The following ZCCHC17 variants were observed in gnomAD, a reference collection of about 807,000 sequenced individuals.
The protein encoded by ZCCHC17 is zinc finger CCHC-type containing 17, also known as zinc finger CCHC domain-containing protein 17.
In ZCCHC17, 18 loss-of-function variants were observed where a neutral mutation model predicts 30.6. The observed-to-expected ratio is 0.59, with a 90% CI of 0.41 to 0.87. ZCCHC17 has a LOEUF of 0.87. ZCCHC17 is among the 40% of genes least tolerant of loss of function. The pLI is 0.00. For missense variants in ZCCHC17, 263 were observed against 284.2 expected (o/e 0.93, Z 0.54); for synonymous variants, 88 against 92.4 (o/e 0.95, Z 0.27).
In ZCCHC17 at chr1:31,310,087, A is replaced by G. The variant is rs777514218; in HGVS notation, c.-12A>G. On this transcript the variant is annotated 5_prime_UTR_variant, in exon 2 of 8. The change creates a new upstream start codon in the 5' untranslated region. Transcript: ENST00000344147. ...AATAGAAGAGAAATGGAGGAGCCATAGAATATTAAGGATGAATTCAGGAAG... is the reference window on the plus strand; with the variant it reads ...AATAGAAGAGAAATGGAGGAGCCATGGAATATTAAGGATGAATTCAGGAAG... 11 of 1,613,662 alleles carry G rather than the reference A, an allele frequency of 6.8e-6. No homozygotes were observed. Among genetic ancestry groups the G allele is most frequent in the East Asian group, 2.2e-5 (1 of 44,886 alleles).
Position 31,337,086 on chromosome 1 carries a change from A to C in ZCCHC17, c.125-89A>C, listed in dbSNP as rs537795580. On this transcript the variant is annotated intron_variant, in intron 3 of 7. Coordinates refer to ENST00000344147, the MANE Select transcript of ZCCHC17 (RefSeq NM_016505.4). ...GTAAAAATTTTCATTTTTCCCTTGCATTCCCCAACTCTTACCTTCTTATCC... is the reference window on the plus strand; with the variant it reads ...GTAAAAATTTTCATTTTTCCCTTGCCTTCCCCAACTCTTACCTTCTTATCC... 13 of 1,240,854 alleles carry C rather than the reference A, an allele frequency of 1.0e-5. No homozygotes were observed. In the East Asian group the frequency reaches 3.0e-4, roughly 29 times the overall value. 76.9% of individuals were successfully genotyped at this position (1,240,854 alleles called of 1,614,324 possible). A position where few individuals can be genotyped will look rare whatever the true frequency, so the allele number is the denominator to read the frequency against.
At chr1:31,317,403 A>G (rs1189435051) in intron 2 of ZCCHC17, among the ~76,000 whole-genome samples, 1 of 152,128 alleles carries the variant, frequency 6.6e-6, no homozygotes, top group Non-Finnish European at 1.5e-5. Flanking sequence ...ACTGTAAATT[A>G]TTGAAAAGCT....
chr1:31,329,070 T>C (rs1371159621), intron 3 of ZCCHC17, among the ~76,000 whole-genome samples: 1 of 152,188 alleles, frequency 6.6e-6, no homozygotes, highest in Non-Finnish European at 1.5e-5. Flanking sequence ...CCTGAGGCTA[T>C]CTAGGGATCC....
At chr1:31,342,322 G>T (rs1434416678) in intron 5 of ZCCHC17, among the ~76,000 whole-genome samples, 1 of 152,172 alleles carries the variant, frequency 6.6e-6, no homozygotes, top group African/African-American at 2.4e-5. Flanking sequence ...GGGATTACAG[G>T]CATGAGCCAC....
chr1:31,346,581 G>A lies in ZCCHC17; in HGVS notation c.318-59G>A, dbSNP rs1358884475. Reference sequence around the variant, plus strand: ...AAAAACCAACATACAACCTTACCTTGTAGTATCTCTGGCCATATCTCTTAA... The same window carrying A: ...AAAAACCAACATACAACCTTACCTTATAGTATCTCTGGCCATATCTCTTAA... On this transcript the variant is annotated intron_variant, in intron 5 of 7. Transcript: ENST00000344147. The A allele has an allele frequency of 5.3e-6, 8 of 1,510,650 alleles. No homozygotes were observed. The African/African-American group carries it at 8.3e-5, about 16-fold the overall frequency. The allele number at this position is 1,510,650 out of a possible 1,614,324, so 93.6% of individuals were successfully genotyped here.
intron 7 of ZCCHC17, among the ~76,000 whole-genome samples, chr1:31,363,737 G>A (rs111980950): frequency 2.2e-4 from 33 of 152,296 alleles, no homozygotes; most frequent in Admixed American, 5.9e-4. Context: ...AGCTGTGATC[G>A]TGCCACTGCA....
chr1:31,355,135 A>T (rs1338603559), intron 7 of ZCCHC17, among the ~76,000 whole-genome samples: 1 of 150,754 alleles, frequency 6.6e-6, no homozygotes, highest in African/African-American at 2.5e-5. Context: ...AGATTGCGCC[A>T]CTGCACTCCA....
intron 2 of ZCCHC17, 120 bp downstream of exon 2, chr1:31,310,284 G>GCCCCC (rs1183980212): frequency 9.7e-6 from 9 of 931,308 alleles, no homozygotes; most frequent in South Asian, 5.4e-5. Flanking sequence ...TAAATGGGAA[G>GCCCCC]GGCCAGCGGA....
intron 5 of ZCCHC17, among the ~76,000 whole-genome samples, chr1:31,346,310 A>T (rs1639270211): frequency 6.6e-6 from 1 of 152,206 alleles, no homozygotes; most frequent in Admixed American, 6.5e-5. Flanking sequence ...TGCCAAGGTA[A>T]AGAATTTGGA....
intron 5 of ZCCHC17, among the ~76,000 whole-genome samples, chr1:31,342,367 C>T (rs755473959): frequency 3.3e-5 from 5 of 152,162 alleles, no homozygotes; most frequent in Non-Finnish European, 7.3e-5. Flanking sequence ...TTCATTTACT[C>T]ATTTGTTCAA....
rs542155084 is a variant in ZCCHC17, at chr1:31,317,279, C to A, written c.67-1830C>A. 3.9e-5 allele frequency among the ~76,000 whole-genome samples: 6 copies of A among 152,276 alleles called. No individual in the cohort carries two copies. The East Asian group carries it at 1.2e-3, about 29-fold the overall frequency. On this transcript the variant is annotated intron_variant, in intron 2 of 7. Coordinates refer to ENST00000344147, the MANE Select transcript of ZCCHC17 (RefSeq NM_016505.4). The stretch of plus-strand genomic sequence containing the variant: ...ACCTCAGGTGATCCACCTGCCTCGC[C>A]CTTTCAAAGTGCTAGGATTACAGGC...
chr1:31,309,230 A>T (rs1646539319), intron 1 of ZCCHC17, among the ~76,000 whole-genome samples: 1 of 152,196 alleles, frequency 6.6e-6, no homozygotes, highest in African/African-American at 2.4e-5. Context: ...GCTTTTTGAC[A>T]TGCTTAGTAA....
At chr1:31,352,568 C>A (rs1639505811) in intron 7 of ZCCHC17, among the ~76,000 whole-genome samples, 1 of 152,156 alleles carries the variant, frequency 6.6e-6, no homozygotes, top group Non-Finnish European at 1.5e-5. Context: ...ACTGCAGCCT[C>A]AACCTCCTGG....
intron 7 of ZCCHC17, among the ~76,000 whole-genome samples, chr1:31,351,223 A>G (rs1639458368): frequency 1.3e-5 from 2 of 152,096 alleles, no homozygotes; most frequent in Non-Finnish European, 2.9e-5. Context: ...CTCCTTTTCC[A>G]TCCCACATCT....
chr1:31,361,812 T>C (rs61780111), intron 7 of ZCCHC17, among the ~76,000 whole-genome samples: 3 of 133,040 alleles, frequency 2.3e-5, no homozygotes, highest in Non-Finnish European at 3.5e-5. Context: ...TTTATTTATT[T>C]ATTTATTTAT....
chr1:31,349,905 C>A (rs1317828893), intron 7 of ZCCHC17, among the ~76,000 whole-genome samples: 2 of 151,980 alleles, frequency 1.3e-5, no homozygotes, highest in Non-Finnish European at 2.9e-5. Flanking sequence ...TTATTGTTTT[C>A]TTGGATAAAT....
rs372922107 is a variant in ZCCHC17, at chr1:31,331,812, A to G, written c.125-5363A>G. ...TTTTTAGTAGAGATGGGGTTTCACC[A>G]TGTTGGGCAGGATGCTCTCGATCTC... On this transcript the variant is annotated intron_variant, in intron 3 of 7. Coordinates refer to ENST00000344147, the MANE Select transcript of ZCCHC17 (RefSeq NM_016505.4). 4.6e-5 allele frequency among the ~76,000 whole-genome samples: 7 copies of G among 151,554 alleles called. No individual in the cohort carries two copies. In the South Asian group the frequency reaches 1.0e-3, roughly 23 times the overall value.
chr1:31,301,108 G>C (rs909463175), intron 1 of ZCCHC17, among the ~76,000 whole-genome samples: 13 of 152,220 alleles, frequency 8.5e-5, no homozygotes, highest in African/African-American at 2.9e-4. Flanking sequence ...GGTTTATAAA[G>C]TACCTTATAT....
chr1:31,325,319 C>T (rs1638293634), intron 3 of ZCCHC17, among the ~76,000 whole-genome samples: 1 of 152,234 alleles, frequency 6.6e-6, no homozygotes, highest in African/African-American at 2.4e-5. Flanking sequence ...GGATGCAAGA[C>T]AAGAACTTGG....
Sources: gnomAD v4.1 joint callset for allele counts (sites outside exome capture counted in the v4.1 genomes callset) on GRCh38, gnomAD v4.1.1 for gene constraint, MANE v1.5 for transcripts, NCBI Gene and HGNC (gene_info 2026-07-23, HGNC 2026-07-21) for gene names.